The following ANKRD11 variants were observed in gnomAD, a reference collection of about 807,000 sequenced individuals.
ANKRD11 encodes the protein ankyrin repeat domain 11.
In ANKRD11, 17 loss-of-function variants were observed where a neutral mutation model predicts 195.7. That is an observed-to-expected ratio of 0.09 (90% confidence interval 0.06 to 0.13). The LOEUF is 0.13. Among genes scored for constraint, ANKRD11 ranks in the 10% least tolerant of loss-of-function variants. ANKRD11 has a pLI of 1.00. For synonymous variants in ANKRD11, 1,953 were observed against 1,528.1 expected, an observed-to-expected ratio of 1.28 and a Z score of -6.49; for missense variants, 3,735 against 3,566.1, an observed-to-expected ratio of 1.05 and a Z score of -1.21.
intron 3 of ANKRD11, among the ~76,000 whole-genome samples, chr16:89,311,916 G>A (rs529704692): frequency 1.1e-4 from 17 of 152,060 alleles, no homozygotes; most frequent in African/African-American, 3.9e-4. Flanking sequence ...TTTCTTCCCC[G>A]ACACAGATTC....
rs187314977 is a variant in ANKRD11, at chr16:89,275,353, A to G, written c.7471-162T>C. On this transcript the variant is annotated intron_variant, in intron 9 of 12. Coordinates refer to ENST00000301030, the MANE Select transcript of ANKRD11 (RefSeq NM_013275.6). The stretch of plus-strand genomic sequence containing the variant: ...GCAACAGACACACCAGGAAGCTTCT[A>G]GAAACCACTATGTGCTGGACGCGGG... Among the ~76,000 whole-genome samples the G allele has an allele frequency of 5.3e-5, 8 of 152,372 alleles. No individual in the cohort carries two copies. In the East Asian group the frequency reaches 1.4e-3, roughly 26 times the overall value.
chr16:89,487,198 A>G (rs2057647036), intron 1 of ANKRD11, among the ~76,000 whole-genome samples: 1 of 152,208 alleles, frequency 6.6e-6, no homozygotes, highest in African/African-American at 2.4e-5. Context: ...CCACCAGACA[A>G]GGGATGCACC....
chr16:89,487,682 A>C (rs2057666034), intron 1 of ANKRD11, among the ~76,000 whole-genome samples: 2 of 152,166 alleles, frequency 1.3e-5, no homozygotes, highest in Admixed American at 1.3e-4. Flanking sequence ...GCTGAGGCAG[A>C]GAACTGCTTG....
rs917345981 is a variant in ANKRD11 at position 89,286,166 on chromosome 16, C to T, written c.765G>A (p.Arg255=). ...GHYKVVKLLL[R]YGGNPQQSNR... ...TGCTCTGCTGCGGGTTCCCTCCGTA[C>T]CGCAGCAGCAGCTTCACCACCTACA... Residue 255 remains arginine, a synonymous_variant, in exon 8 of 13, where the codon CGG becomes CGA. Transcript: ENST00000301030. 1.2e-5 allele frequency: 19 copies of T among 1,613,802 alleles called. No homozygotes were observed. Among genetic ancestry groups the T allele is most frequent in the East Asian group, 2.2e-5 (1 of 44,898 alleles).
intron 3 of ANKRD11, 149 bp from the exon 4 acceptor site, chr16:89,305,493 G>A: frequency 1.7e-6 from 2 of 1,147,796 alleles, no homozygotes; most frequent in Non-Finnish European, 2.5e-6. Context: ...TGTGAGGCTG[G>A]TCACCGACCG....
In ANKRD11 at chr16:89,278,851, C is replaced by T. The variant is rs923992996; in HGVS notation, c.7470+221G>A. On this transcript the variant is annotated intron_variant, in intron 9 of 12. Transcript: ENST00000301030. ...GAGGTCAGGAGACCGAGGCCTGGCA[C>T]GGACCAGCTGGAGGAAGGACCTCGG... 4.2e-5 allele frequency: 33 copies of T among 776,850 alleles called. No individual in the cohort carries two copies. The East Asian group carries it at 5.2e-4, about 12-fold the overall frequency. The allele number at this position is 776,850 out of a possible 1,614,324, so 48.1% of individuals were successfully genotyped here.
intron 4 of ANKRD11, among the ~76,000 whole-genome samples, chr16:89,297,243 A>C (rs970180972): frequency 6.6e-6 from 1 of 152,238 alleles, no homozygotes; most frequent in Non-Finnish European, 1.5e-5. Flanking sequence ...CTGTCAACAT[A>C]GGAAAATGTG....
At chr16:89,293,268 A>C (rs1289290737) in intron 4 of ANKRD11, among the ~76,000 whole-genome samples, 2 of 152,232 alleles carry the variant, frequency 1.3e-5, no homozygotes, top group Non-Finnish European at 2.9e-5. Flanking sequence ...GCAAAGCTGC[A>C]CACAGCACAG....
At chr16:89,346,064 T>C (rs2038922814) in intron 2 of ANKRD11, among the ~76,000 whole-genome samples, 1 of 151,290 alleles carries the variant, frequency 6.6e-6, no homozygotes, top group Non-Finnish European at 1.5e-5. Flanking sequence ...CAACATGGAA[T>C]GACCCTGTCT....
chr16:89,303,022 G>A (rs3803692), intron 4 of ANKRD11, among the ~76,000 whole-genome samples: 18,761 of 152,132 alleles, frequency 0.12, 1,397 homozygotes, highest in East Asian at 0.34. Flanking sequence ...ACACAACAGG[G>A]CCCTGGGTGA....
At chr16:89,329,803 G>C (rs1436888174) in intron 2 of ANKRD11, among the ~76,000 whole-genome samples, 3 of 152,104 alleles carry the variant, frequency 2.0e-5, no homozygotes, top group African/African-American at 4.8e-5. Flanking sequence ...GAGGTCAGGA[G>C]TTCGAAACCA....
Position 89,281,016 on chromosome 16 carries a change from C to G in ANKRD11, c.5526G>C (p.Lys1842Asn), listed in dbSNP as rs995580016. ...RAPLPPVPAE[K>N]FACLSPGYYS... ...AGTACCCTGGCGACAAGCAGGCAAA[C>G]TTCTCCGCGGGAACCGGGGGCAGGG... is the stretch of plus-strand genomic sequence containing the variant. The change falls in exon 9 of 13, where the codon AAG becomes AAC. Residue 1842 changes from lysine (K) to asparagine (N), a missense_variant. Transcript: ENST00000301030. This position sits in a 1 kb window ranked among gnomAD's most constrained non-coding sequence, Gnocchi z 5.5. 6.3e-7 allele frequency: 1 copy of G among 1,588,638 alleles called. No individual in the cohort carries two copies. The highest frequency in any genetic ancestry group is 1.7e-5 in the Admixed American group (1 of 57,414).
At chr16:89,436,407 T>A (rs2043217360) in intron 1 of ANKRD11, among the ~76,000 whole-genome samples, 1 of 123,200 alleles carries the variant, frequency 8.1e-6, no homozygotes, top group Non-Finnish European at 1.8e-5. Flanking sequence ...AGAGTGAGAC[T>A]CGGTCTCAAA....
intron 3 of ANKRD11, chr16:89,313,421 C>A: frequency 7.8e-7 from 1 of 1,289,088 alleles, no homozygotes; most frequent in South Asian, 1.2e-5. Context: ...AGACCGTCTG[C>A]AGAAGGGGCC....
At chr16:89,349,397 G>A (rs973839636) in intron 2 of ANKRD11, among the ~76,000 whole-genome samples, 4 of 150,250 alleles carry the variant, frequency 2.7e-5, no homozygotes, top group South Asian at 4.2e-4. Flanking sequence ...GGAGAATGGC[G>A]TGAACCCGGG....
intron 2 of ANKRD11, among the ~76,000 whole-genome samples, chr16:89,376,810 T>C (rs1362006401): frequency 1.3e-5 from 2 of 152,150 alleles, no homozygotes; most frequent in Non-Finnish European, 1.5e-5. Context: ...AGAACATTTG[T>C]TAGTAAGAAA....
Position 89,398,667 on chromosome 16 carries a change from G to A in ANKRD11, c.-60+19617C>T, listed in dbSNP as rs552184335. On this transcript the variant is annotated intron_variant, in intron 2 of 12. Transcript: ENST00000301030. ...TGAGGCAGGAGGAAGGTTTGAGCCC[G>A]GGAGGTTGAGGCTGCAGTGAGCTAT... Among the ~76,000 whole-genome samples the A allele has an allele frequency of 2.0e-4, 31 of 152,290 alleles. No homozygotes were observed. The East Asian group carries it at 5.2e-3, about 26-fold the overall frequency.
At chr16:89,273,181 C>G (rs2033330371) in intron 11 of ANKRD11, 1 of 151,884 alleles carries the variant, frequency 6.6e-6, no homozygotes, top group Non-Finnish European at 1.5e-5. Flanking sequence ...GTTTGTAACT[C>G]AAGGGCTAAA....
chr16:89,315,288 T>G (rs2036882232), intron 3 of ANKRD11, among the ~76,000 whole-genome samples: 1 of 151,892 alleles, frequency 6.6e-6, no homozygotes, highest in Non-Finnish European at 1.5e-5. Context: ...GAATGCTGAG[T>G]CCCAGGACCC....
Sources: allele counts gnomAD v4.1 joint callset (sites outside exome capture counted in the v4.1 genomes callset), GRCh38; gene constraint gnomAD v4.1.1; non-coding constraint Gnocchi (gnomAD v3.1); transcripts MANE v1.5; gene names NCBI Gene and HGNC (gene_info 2026-07-23, HGNC 2026-07-21).